TMSB15B: variants seen among roughly 807,000 people sequenced by gnomAD.
TMSB15B encodes the protein thymosin beta 15B.
At chrX:103,942,290 A>T (rs1195317149) in intron 1 of TMSB15B, among the ~76,000 whole-genome samples, 1 of 111,806 alleles carries the variant, frequency 8.9e-6, no homozygotes, top group African/African-American at 3.2e-5. Flanking sequence ...ATTGATTTTC[A>T]TGTAGAATAT....
At chrX:103,935,526 T>A (rs59916754) in intron 1 of TMSB15B, among the ~76,000 whole-genome samples, 45 of 112,052 alleles carry the variant, frequency 4.0e-4, no homozygotes, top group African/African-American at 1.4e-3. Flanking sequence ...GTATAAGGTG[T>A]AAGGAAAGGG....
intron 1 of TMSB15B, among the ~76,000 whole-genome samples, chrX:103,939,580 T>C (rs1556323315): frequency 9.0e-6 from 1 of 111,119 alleles, no homozygotes; most frequent in Admixed American, 9.6e-5. Flanking sequence ...GGTTCTTAGC[T>C]TCCTTGGATT....
intron 1 of TMSB15B, among the ~76,000 whole-genome samples, chrX:103,930,316 C>T (rs1343868295): frequency 9.0e-6 from 1 of 111,239 alleles, no homozygotes; most frequent in African/African-American, 3.3e-5. Context: ...CAGAGGTCAC[C>T]TTCTCTTTGG....
At position 103,928,296 on chromosome X, in the gene TMSB15B, G is replaced by C; in HGVS notation, c.-721+9004G>C. 7.5e-6 allele frequency: 9 copies of C among 1,205,576 alleles called. No homozygotes were observed. The South Asian group carries it at 1.6e-4, about 21-fold the overall frequency. ...GCCATGGCAGTGTCAGAGGCTGTGA[G>C]ACACTTTGGCACGAAGGTCCTCAAT... On this transcript the variant is annotated intron_variant, in intron 1 of 3. Coordinates refer to the TMSB15B transcript ENST00000419165.
intron 1 of TMSB15B, among the ~76,000 whole-genome samples, chrX:103,952,139 C>A (rs146592350): frequency 9.0e-6 from 1 of 111,314 alleles, no homozygotes; most frequent in African/African-American, 3.3e-5. Context: ...CCTGGGTAAC[C>A]TTCCCAACTT....
chrX:103,948,276 C>G (rs2075030627), intron 1 of TMSB15B, among the ~76,000 whole-genome samples: 1 of 112,124 alleles, frequency 8.9e-6, no homozygotes, highest in African/African-American at 3.2e-5. Context: ...ATTAGATTGG[C>G]TAAACACGTC....
intron 1 of TMSB15B, among the ~76,000 whole-genome samples, chrX:103,924,778 C>G (rs1248040261): frequency 9.0e-6 from 1 of 111,341 alleles, no homozygotes; most frequent in Non-Finnish European, 1.9e-5. Flanking sequence ...CTCGGACAGT[C>G]TGGAATCCCC....
intron 1 of TMSB15B, among the ~76,000 whole-genome samples, chrX:103,926,360 G>A (rs1439251441): frequency 2.0e-5 from 2 of 100,974 alleles, no homozygotes; most frequent in African/African-American, 7.3e-5. Flanking sequence ...TGGATGGAGT[G>A]GGGTGGGGTA....
intron 1 of TMSB15B, among the ~76,000 whole-genome samples, chrX:103,925,131 C>T (rs1242412678): frequency 1.8e-5 from 2 of 111,866 alleles, no homozygotes; most frequent in Non-Finnish European, 3.8e-5. Context: ...GGATTCTCAA[C>T]CACTTTATCT....
At chrX:103,923,591 T>A (rs781788855) in intron 1 of TMSB15B, among the ~76,000 whole-genome samples, 1 of 111,922 alleles carries the variant, frequency 8.9e-6, no homozygotes, top group Non-Finnish European at 1.9e-5. Flanking sequence ...TACCATGCTG[T>A]TTTGGTTACT....
chrX:103,919,708 C>T (rs1352688331), intron 1 of TMSB15B, among the ~76,000 whole-genome samples: 1 of 112,396 alleles, frequency 8.9e-6, no homozygotes, highest in Non-Finnish European at 1.9e-5. Flanking sequence ...GGAGGACCAA[C>T]TTGGGACTGC....
chrX:103,926,725 A>G lies in TMSB15B; in HGVS notation c.-721+7433A>G, dbSNP rs1226636659. ...CTGATCCTGGACTCTGTGGTCCCCC[A>G]TTGGCCTGCTAGCTTAATTAGAGTC... On this transcript the variant is annotated intron_variant, in intron 1 of 3. Coordinates refer to the TMSB15B transcript ENST00000419165. 7.3e-5 allele frequency among the ~76,000 whole-genome samples: 8 copies of G among 110,301 alleles called. No individual in the cohort carries two copies. In the East Asian group the frequency reaches 2.3e-3, roughly 32 times the overall value.
At chrX:103,922,754 T>C (rs1340054743) in intron 1 of TMSB15B, among the ~76,000 whole-genome samples, 12 of 111,908 alleles carry the variant, frequency 1.1e-4, no homozygotes, top group African/African-American at 3.9e-4. Context: ...ATGGTATTTC[T>C]AGTTCTAGAT....
intron 1 of TMSB15B, among the ~76,000 whole-genome samples, chrX:103,950,762 A>G (rs1474225143): frequency 9.0e-6 from 1 of 110,717 alleles, no homozygotes; most frequent in Non-Finnish European, 1.9e-5. Flanking sequence ...TATATAATAA[A>G]GATGAGAAAT....
intron 1 of TMSB15B, chrX:103,919,674 C>T (rs1195096540): frequency 8.9e-6 from 1 of 112,105 alleles, no homozygotes; most frequent in Non-Finnish European, 1.9e-5. Flanking sequence ...TAAGGGATAG[C>T]GGAGAAAAAC....
chrX:103,946,920 C>T (rs1407826136), intron 1 of TMSB15B, among the ~76,000 whole-genome samples: 5 of 110,938 alleles, frequency 4.5e-5, no homozygotes, highest in African/African-American at 1.6e-4. Context: ...TGAGAAGTAA[C>T]CTTAGTGAGA....
In TMSB15B at chrX:103,946,138, G is replaced by A. The variant is rs1168917623; in HGVS notation, c.-720-15883G>A. ...TATTACTCAGAAAAAGCAGTAGCTA[G>A]AACTTCCTGTTGGCTTGTGTTCGTT... On this transcript the variant is annotated intron_variant, in intron 1 of 3. Coordinates refer to the TMSB15B transcript ENST00000419165. Among the ~76,000 whole-genome samples the A allele has an allele frequency of 2.7e-5, 3 of 112,083 alleles. No homozygotes were observed. In the East Asian group the frequency reaches 8.3e-4, roughly 31 times the overall value.
At chrX:103,940,157 T>A (rs1457284808) in intron 1 of TMSB15B, among the ~76,000 whole-genome samples, 1 of 112,010 alleles carries the variant, frequency 8.9e-6, no homozygotes, top group African/African-American at 3.2e-5. Flanking sequence ...GAGGAGGCAA[T>A]CTGTCCCTTA....
chrX:103,949,442 C>A (rs562210419), intron 1 of TMSB15B, among the ~76,000 whole-genome samples: 1 of 111,980 alleles, frequency 8.9e-6, no homozygotes, highest in Non-Finnish European at 1.9e-5. Flanking sequence ...TTCAACCTTA[C>A]GTGTACCAAT....
Sources: gnomAD v4.1 joint callset for allele counts (sites outside exome capture counted in the v4.1 genomes callset) on GRCh38, gnomAD v4.1.1 for gene constraint, MANE v1.5 for transcripts, NCBI Gene and HGNC (gene_info 2026-07-23, HGNC 2026-07-21) for gene names.